The following ST6GALNAC5 variants were observed in gnomAD, a reference collection of about 807,000 sequenced individuals.
The protein encoded by ST6GALNAC5 is alpha-N-acetylgalactosaminide alpha-2,6-sialyltransferase 5.
Under a neutral mutation model 33.6 loss-of-function variants are expected in ST6GALNAC5, and 27 were observed. The observed-to-expected ratio is 0.80, with a 90% CI of 0.59 to 1.11. ST6GALNAC5 has a LOEUF of 1.11. ST6GALNAC5 is among the 50% of genes least tolerant of loss of function. The probability of loss-of-function intolerance (pLI) is 0.00; values close to 1 mark genes in which losing one functional copy is unlikely to be tolerated. For missense variants in ST6GALNAC5, 428 were observed against 454.0 expected (o/e 0.94, Z 0.52); for synonymous variants, 194 against 171.2 (o/e 1.13, Z -1.04).
At chr1:77,023,866 T>C (rs182989219) in intron 2 of ST6GALNAC5, among the ~76,000 whole-genome samples, 6 of 152,132 alleles carry the variant, frequency 3.9e-5, no homozygotes, top group African/African-American at 9.7e-5. Context: ...GGGGTAGTCA[T>C]TGGGGTGCCA....
intron 2 of ST6GALNAC5, among the ~76,000 whole-genome samples, chr1:76,876,486 G>A (rs1653641528): frequency 6.6e-6 from 1 of 152,102 alleles, no homozygotes; most frequent in Non-Finnish European, 1.5e-5. Context: ...CACTCACACG[G>A]GATACAAATA....
intron 2 of ST6GALNAC5, among the ~76,000 whole-genome samples, chr1:76,875,164 G>A (rs1653608611): frequency 6.6e-6 from 1 of 152,206 alleles, no homozygotes; most frequent in African/African-American, 2.4e-5. Context: ...AGCTGCTCAA[G>A]TAGCTAGTAA....
At chr1:77,014,419 G>C (rs1650748695) in intron 2 of ST6GALNAC5, among the ~76,000 whole-genome samples, 1 of 152,180 alleles carries the variant, frequency 6.6e-6, no homozygotes, top group Non-Finnish European at 1.5e-5. Context: ...ATTAAGTGTA[G>C]CTCTTCTGAA....
intron 2 of ST6GALNAC5, among the ~76,000 whole-genome samples, chr1:76,974,466 G>A (rs1216540412): frequency 6.6e-6 from 1 of 151,992 alleles, no homozygotes; most frequent in Admixed American, 6.6e-5. Context: ...GTCTCCCAAA[G>A]TGTTGGGTTC....
chr1:77,003,664 G>A (rs1415460201), intron 2 of ST6GALNAC5, among the ~76,000 whole-genome samples: 12 of 152,060 alleles, frequency 7.9e-5, no homozygotes, highest in Admixed American at 3.9e-4. Context: ...GCTTCCTTCA[G>A]GAGCTCTTGT....
At chr1:77,037,491 A>C (rs995801867) in intron 2 of ST6GALNAC5, among the ~76,000 whole-genome samples, 1 of 152,214 alleles carries the variant, frequency 6.6e-6, no homozygotes, top group Admixed American at 6.5e-5. Context: ...CTCAAAACTC[A>C]GTATCACACA....
chr1:77,062,486 T>C (rs1349014523), intron 4 of ST6GALNAC5, among the ~76,000 whole-genome samples: 2 of 151,970 alleles, frequency 1.3e-5, no homozygotes, highest in Admixed American at 6.6e-5. Context: ...GGTGGGAACA[T>C]ACTGGGAATC....
chr1:76,960,102 A>G (rs1398962822), intron 2 of ST6GALNAC5, among the ~76,000 whole-genome samples: 1 of 152,180 alleles, frequency 6.6e-6, no homozygotes, highest in Non-Finnish European at 1.5e-5. Flanking sequence ...ACCAGTAGCT[A>G]TCAGGGAAAA....
intron 2 of ST6GALNAC5, among the ~76,000 whole-genome samples, chr1:76,929,354 G>A (rs952519586): frequency 4.6e-5 from 7 of 152,118 alleles, no homozygotes; most frequent in Non-Finnish European, 7.4e-5. Flanking sequence ...CAACCTGGCC[G>A]AGACCGTGAG....
At chr1:76,909,559 C>G (rs560667666) in intron 2 of ST6GALNAC5, among the ~76,000 whole-genome samples, 1 of 151,872 alleles carries the variant, frequency 6.6e-6, no homozygotes, top group South Asian at 2.1e-4. Flanking sequence ...CACAGGCTGG[C>G]AAGACACGGT....
chr1:77,054,460 T>G (rs1335417251), intron 4 of ST6GALNAC5, among the ~76,000 whole-genome samples: 1 of 152,208 alleles, frequency 6.6e-6, no homozygotes, highest in Non-Finnish European at 1.5e-5. Flanking sequence ...CAAAAGAGCA[T>G]TTGACAAATA....
At chr1:76,961,598 A>T (rs1648244022) in intron 2 of ST6GALNAC5, among the ~76,000 whole-genome samples, 1 of 152,120 alleles carries the variant, frequency 6.6e-6, no homozygotes, top group Admixed American at 6.6e-5. Context: ...GCCTCATTTC[A>T]GTTTCTCAAA....
chr1:76,902,927 A>G (rs1009389674), intron 2 of ST6GALNAC5, among the ~76,000 whole-genome samples: 8 of 152,128 alleles, frequency 5.3e-5, no homozygotes, highest in Non-Finnish European at 1.0e-4. Context: ...TGTACATATA[A>G]ATCTATTAAA....
intron 2 of ST6GALNAC5, among the ~76,000 whole-genome samples, chr1:77,008,805 C>G (rs926578058): frequency 6.6e-6 from 1 of 152,208 alleles, no homozygotes; most frequent in African/African-American, 2.4e-5. Context: ...GCTGGGATTA[C>G]AGGCGTGAGC....
intron 2 of ST6GALNAC5, among the ~76,000 whole-genome samples, chr1:76,913,468 C>T (rs1469155686): frequency 1.3e-5 from 2 of 152,014 alleles, no homozygotes; most frequent in African/African-American, 2.4e-5. Context: ...GTTGGCCTGC[C>T]TTGCTAGATT....
chr1:76,957,160 T>C (rs1167617037), intron 2 of ST6GALNAC5, among the ~76,000 whole-genome samples: 3 of 152,154 alleles, frequency 2.0e-5, no homozygotes, highest in Non-Finnish European at 4.4e-5. Flanking sequence ...ATAAATGTAT[T>C]GTCTCACAGT....
At chr1:76,979,386 G>T (rs1251066724) in intron 2 of ST6GALNAC5, among the ~76,000 whole-genome samples, 9 of 152,090 alleles carry the variant, frequency 5.9e-5, no homozygotes, top group Admixed American at 2.6e-4. Flanking sequence ...TACACTACAA[G>T]GCTATAGTAA....
At chr1:76,897,144 C>T (rs1010805029) in intron 2 of ST6GALNAC5, among the ~76,000 whole-genome samples, 2 of 152,058 alleles carry the variant, frequency 1.3e-5, no homozygotes, top group Non-Finnish European at 2.9e-5. Context: ...AGCTTTGCGG[C>T]AGTACAGCCT....
intron 2 of ST6GALNAC5, among the ~76,000 whole-genome samples, chr1:76,897,783 T>G (rs1261458646): frequency 2.0e-5 from 3 of 151,770 alleles, no homozygotes; most frequent in African/African-American, 7.3e-5. Flanking sequence ...TAAAAAGGAG[T>G]GCTTAAAAGA....
Sources: allele counts gnomAD v4.1 joint callset (sites outside exome capture counted in the v4.1 genomes callset), GRCh38; gene constraint gnomAD v4.1.1; transcripts MANE v1.5; gene names NCBI Gene and HGNC (gene_info 2026-07-23, HGNC 2026-07-21).